CLMN: variants seen among roughly 807,000 people sequenced by gnomAD.
The protein encoded by CLMN is calmin, also known as calmin (calponin-like, transmembrane).
In CLMN, 57 loss-of-function variants were observed where a neutral mutation model predicts 92.7. The ratio of observed to expected loss-of-function variants is 0.61; its 90% CI spans 0.50 to 0.77. CLMN has a LOEUF of 0.77. CLMN is among the 30% of genes least tolerant of loss of function. The pLI, the probability that CLMN is intolerant of heterozygous loss-of-function variation, is 0.00. For missense variants in CLMN, 1,158 were observed against 1,237.5 expected (o/e 0.94, Z 0.96); for synonymous variants, 466 against 470.6 (o/e 0.99, Z 0.13).
At chr14:95,215,421 T>C (rs551843669) in intron 5 of CLMN, among the ~76,000 whole-genome samples, 4 of 152,348 alleles carry the variant, frequency 2.6e-5, no homozygotes, top group East Asian at 1.9e-4. Flanking sequence ...CCCAAGAGGA[T>C]AGATATTCTC....
Position 95,203,094 on chromosome 14 carries a change from T to A in CLMN, c.2255A>T (p.Asn752Ile), listed in dbSNP as rs1156945096. The A allele has an allele frequency of 6.2e-7, 1 of 1,613,874 alleles. No homozygotes were observed. Among genetic ancestry groups the A allele is most frequent in the East Asian group, 2.2e-5 (1 of 44,884 alleles). The stretch of plus-strand genomic sequence containing the variant: ...TGGCTCTTCGAGATCCATTTCTTCA[T>A]TTTTTAGATCCTCCGGGTCTTCTAC... ...AYVEDPEDLKNEEMDLEEPEG... is the reference protein window; with the variant it reads ...AYVEDPEDLKIEEMDLEEPEG... The change falls in exon 9 of 13, where the codon AAT (asparagine) becomes ATT (isoleucine). Residue 752 changes from asparagine (N) to isoleucine (I), a missense_variant. By Grantham distance (149) the Asn-to-Ile change is moderately radical. Transcript: ENST00000298912.
intron 1 of CLMN, among the ~76,000 whole-genome samples, chr14:95,305,950 A>T (rs1212330782): frequency 1.3e-5 from 2 of 152,230 alleles, no homozygotes; most frequent in Non-Finnish European, 2.9e-5. Flanking sequence ...TAATGTAGCA[A>T]TCAAGAATTA....
At chr14:95,248,104 T>C (rs985634003) in intron 1 of CLMN, among the ~76,000 whole-genome samples, 1 of 146,430 alleles carries the variant, frequency 6.8e-6, no homozygotes, top group African/African-American at 2.6e-5. Context: ...ATAAGCAAAC[T>C]GCAAATGAAA....
intron 6 of CLMN, among the ~76,000 whole-genome samples, chr14:95,212,769 T>G (rs1448128882): frequency 6.6e-6 from 1 of 150,640 alleles, no homozygotes; most frequent in African/African-American, 2.5e-5. Context: ...AAATGCAGGG[T>G]TTCCTGTTCT....
intron 1 of CLMN, among the ~76,000 whole-genome samples, chr14:95,278,456 AAGATAATTTC>A (rs1900017530): frequency 6.6e-6 from 1 of 152,144 alleles, no homozygotes; most frequent in African/African-American, 2.4e-5. Context: ...GAGAGGACAT[AAGATAATTTC>A]TAACAGCCCG....
At chr14:95,295,547 GGA>G (rs1900777001) in intron 1 of CLMN, among the ~76,000 whole-genome samples, 1 of 152,214 alleles carries the variant, frequency 6.6e-6, no homozygotes, top group Non-Finnish European at 1.5e-5. Context: ...GGTGGTGTCA[GGA>G]GAGGACTCAG....
intron 1 of CLMN, among the ~76,000 whole-genome samples, chr14:95,271,701 T>C (rs1405229294): frequency 6.6e-6 from 1 of 152,216 alleles, no homozygotes; most frequent in East Asian, 1.9e-4. Flanking sequence ...GAAAGTTAAG[T>C]GTCTTGCTCA....
intron 9 of CLMN, among the ~76,000 whole-genome samples, chr14:95,200,234 C>A (rs1304512756): frequency 6.6e-6 from 1 of 152,154 alleles, no homozygotes; most frequent in East Asian, 1.9e-4. Flanking sequence ...TGGGTGGGAG[C>A]CTCCTTCTGT....
intron 1 of CLMN, among the ~76,000 whole-genome samples, chr14:95,279,881 A>G (rs997921533): frequency 6.6e-6 from 1 of 152,250 alleles, no homozygotes; most frequent in African/African-American, 2.4e-5. Flanking sequence ...GTATATTGAG[A>G]CGACTAAAGA....
chr14:95,211,171 T>A (rs1399582079), intron 6 of CLMN, among the ~76,000 whole-genome samples: 1 of 152,216 alleles, frequency 6.6e-6, no homozygotes, highest in Non-Finnish European at 1.5e-5. Flanking sequence ...ATTCCTTGTA[T>A]CAGTGACATT....
Position 95,189,061 on chromosome 14 carries a change from A to T in CLMN, c.*2503T>A, listed in dbSNP as rs989486784. On this transcript the variant is annotated 3_prime_UTR_variant, in exon 13 of 13. Transcript: ENST00000298912. ...AGGAGAAAGGACATGTAACCATAACACACTGCTGGGCTTGGGAGTCAACAA... is the reference window on the plus strand; with the variant it reads ...AGGAGAAAGGACATGTAACCATAACTCACTGCTGGGCTTGGGAGTCAACAA... 1 of 152,144 alleles carries T rather than the reference A, an allele frequency of 6.6e-6. No homozygotes were observed. Among genetic ancestry groups the T allele is most frequent in the Non-Finnish European group, 1.5e-5 (1 of 68,036 alleles). The allele number at this position is 152,144 out of a possible 1,614,324, so 9.4% of individuals were successfully genotyped here. A position where few individuals can be genotyped will look rare whatever the true frequency, so the allele number is the denominator to read the frequency against.
At chr14:95,202,678 C>T (rs1359991663) in intron 9 of CLMN, among the ~76,000 whole-genome samples, 160 bp downstream of exon 9, 30 of 152,224 alleles carry the variant, frequency 2.0e-4, no homozygotes, top group Admixed American at 2.0e-3. Context: ...CTGCATTTGC[C>T]CGAGCCTCAC....
chr14:95,210,217 A>T lies in CLMN; in HGVS notation c.802+469T>A, dbSNP rs151269599. 3.6e-3 allele frequency among the ~76,000 whole-genome samples: 554 copies of T among 152,198 alleles called. 4 individuals carry two copies. Among genetic ancestry groups the T allele is most frequent in the African/African-American group, 0.013 (535 of 41,540 alleles). ...ACAGACTGCGCCACCACGCCCAGCT[A>T]ATTTTTGTATTATTAGTGGAGATGG... On this transcript the variant is annotated intron_variant, in intron 7 of 12. Transcript: ENST00000298912.
chr14:95,202,893 T>TG lies in CLMN; in HGVS notation c.2455dup (p.His819ProfsTer2). The TG allele has an allele frequency of 1.9e-6, 3 of 1,577,654 alleles. No homozygotes were observed. Among genetic ancestry groups the TG allele is most frequent in the Non-Finnish European group, 2.6e-6 (3 of 1,166,000 alleles). ...GGTCTCCCTTTGCTGGTGGTCCTCA[T>TG]GGGGGGCCAGTGGAGCGGGTTCTGA... On this transcript the variant is annotated frameshift_variant, in exon 9 of 13. Transcript: ENST00000298912. LOFTEE classifies it high-confidence loss of function.
In CLMN at chr14:95,183,475, A is replaced by C. The variant is rs1896373096; in HGVS notation, c.*8089T>G. The stretch of plus-strand genomic sequence containing the variant: ...AAGCTTAAAATACAGGAAAAATAAT[A>C]ATCCCTGCCTCAGAGACCAACCAGT... On this transcript the variant is annotated 3_prime_UTR_variant, in exon 13 of 13. Transcript: ENST00000298912. The C allele has an allele frequency of 6.6e-6, 1 of 152,250 alleles. No individual in the cohort carries two copies. The allele number at this position is 152,250 out of a possible 1,614,324, so 9.4% of individuals were successfully genotyped here. A position where few individuals can be genotyped will look rare whatever the true frequency, so the allele number is the denominator to read the frequency against.
chr14:95,216,802 C>T (rs1442617213), intron 4 of CLMN, among the ~76,000 whole-genome samples: 2 of 152,208 alleles, frequency 1.3e-5, no homozygotes, highest in Non-Finnish European at 2.9e-5. Flanking sequence ...CTAAGGCCAA[C>T]CTGACATCTG....
Position 95,194,504 on chromosome 14 carries a change from C to G in CLMN, c.2769+32G>C, listed in dbSNP as rs542632734. ...TGGAAAGGAATTGATTAGCAGGGGC[C>G]GTGCGGAAAGAGAAGAAATTCACAT... On this transcript the variant is annotated intron_variant, in intron 11 of 12. Transcript: ENST00000298912. This position sits in a 1 kb window ranked among gnomAD's most constrained non-coding sequence, Gnocchi z 4.0. 1 of 1,613,770 alleles carries G rather than the reference C, an allele frequency of 6.2e-7. No homozygotes were observed. The highest frequency in any genetic ancestry group is 8.5e-7 in the Non-Finnish European group (1 of 1,179,864).
At chr14:95,301,604 C>T (rs10138413) in intron 1 of CLMN, among the ~76,000 whole-genome samples, 1 of 152,196 alleles carries the variant, frequency 6.6e-6, no homozygotes, top group Non-Finnish European at 1.5e-5. Flanking sequence ...CCCCCTACTC[C>T]CTCATCCCCA....
rs1373642734 is a variant in CLMN at position 95,293,352 on chromosome 14, CTTTT to C, written c.82+26355_82+26358del. On this transcript the variant is annotated intron_variant, in intron 1 of 12. Transcript: ENST00000298912. ...TCCTTCCTTCCCTCCCTCCCTCCTT[CTTTT>C]CCTCCCTCCCTCCTTCCTTCCCTCC... 2.3e-3 allele frequency among the ~76,000 whole-genome samples: 176 copies of C among 77,926 alleles called. 10 individuals are homozygous for C. The highest frequency in any genetic ancestry group is 9.9e-3 in the African/African-American group (158 of 16,018). 51.1% of individuals were successfully genotyped at this position (77,926 alleles called of 152,430 possible).
Sources: gnomAD v4.1 joint callset for allele counts (sites outside exome capture counted in the v4.1 genomes callset) on GRCh38, gnomAD v4.1.1 for gene constraint, Gnocchi (gnomAD v3.1) non-coding constraint, MANE v1.5 for transcripts, NCBI Gene and HGNC (gene_info 2026-07-23, HGNC 2026-07-21) for gene names.